ERG: variants seen among roughly 807,000 people sequenced by gnomAD.
The protein encoded by ERG is ETS transcription factor ERG, also known as transcriptional regulator ERG.
Under a neutral mutation model 55.3 loss-of-function variants are expected in ERG, and 9 were observed. That is an observed-to-expected ratio of 0.16 (90% CI 0.10 to 0.28). The LOEUF (loss-of-function observed/expected upper bound fraction) is 0.28. Ranked by LOEUF, ERG falls within the 10% of genes least tolerant of loss-of-function variation. ERG has a pLI of 1.00. For synonymous variants in ERG, 223 were observed against 237.3 expected, an observed-to-expected ratio of 0.94 and a Z score of 0.55; for missense variants, 434 against 631.6, an observed-to-expected ratio of 0.69 and a Z score of 3.35.
intron 3 of ERG, among the ~76,000 whole-genome samples, chr21:38,413,746 T>C (rs1415766968): frequency 9.4e-6 from 1 of 106,230 alleles, no homozygotes; most frequent in East Asian, 2.8e-4. Context: ...CCTCCTGTTA[T>C]TCCATGACAA....
At position 38,603,204 on chromosome 21, in the gene ERG, AC is replaced by A. The variant is rs1180838633; in HGVS notation, c.-149-18260del. On this transcript the variant is annotated intron_variant, in intron 1 of 10. Coordinates refer to the ERG transcript ENST00000398910. ...CCTCTGCCACATGAAGAGACCCGAA[AC>A]GCAGCTTACATCCAGAGCAAGTCCT... 1.7e-4 allele frequency among the ~76,000 whole-genome samples: 26 copies of A among 152,156 alleles called. 1 individual carries two copies. The highest frequency in any genetic ancestry group is 6.0e-4 in the African/African-American group (25 of 41,430).
At chr21:38,466,300 G>GGGGGGT (rs1555903683) in intron 1 of ERG, among the ~76,000 whole-genome samples, 2 of 140,604 alleles carry the variant, frequency 1.4e-5, no homozygotes, top group East Asian at 2.1e-4. Flanking sequence ...GATGGTCTGG[G>GGGGGGT]GTGTGTGTGT....
chr21:38,590,539 C>A (rs2060093679), intron 1 of ERG, among the ~76,000 whole-genome samples: 1 of 152,048 alleles, frequency 6.6e-6, no homozygotes, highest in Admixed American at 6.6e-5. Flanking sequence ...TTCAACCTGC[C>A]CTTCAAATCC....
chr21:38,527,138 C>G (rs1010932439), intron 2 of ERG, among the ~76,000 whole-genome samples: 1 of 152,168 alleles, frequency 6.6e-6, no homozygotes, highest in East Asian at 1.9e-4. Context: ...AACAATCAGG[C>G]ACTGCAAACA....
At chr21:38,470,195 T>C (rs1042236353) in intron 1 of ERG, among the ~76,000 whole-genome samples, 5 of 152,176 alleles carry the variant, frequency 3.3e-5, no homozygotes, top group Non-Finnish European at 4.4e-5. Context: ...TCTGTCCCAA[T>C]TGTATTAAGC....
At chr21:38,429,029 C>T (rs1413277203) in intron 2 of ERG, among the ~76,000 whole-genome samples, 1 of 152,144 alleles carries the variant, frequency 6.6e-6, no homozygotes, top group Non-Finnish European at 1.5e-5. Context: ...TCTTTTCTCC[C>T]TCACCCACTC....
chr21:38,416,715 G>A (rs1313575862), intron 3 of ERG, among the ~76,000 whole-genome samples: 1 of 152,152 alleles, frequency 6.6e-6, no homozygotes, highest in African/African-American at 2.4e-5. Flanking sequence ...AATAAAGTAT[G>A]ATAACAAAAT....
At position 38,383,495 on chromosome 21, in the gene ERG, T is replaced by A; in HGVS notation, c.1348A>T (p.Asn450Tyr). 1 of 1,555,858 alleles carries A rather than the reference T, an allele frequency of 6.4e-7. No homozygotes were observed. The highest frequency in any genetic ancestry group is 1.4e-5 in the African/African-American group (1 of 73,724). ...VTSSSFFAAP[N>Y]PYWNSPTGGI... Reference sequence around the variant, plus strand: ...CCAGTTGGTGAATTCCAGTATGGGTTTGGGGCAGCAAAAAAACTGGAAGAT... The same window carrying A: ...CCAGTTGGTGAATTCCAGTATGGGTATGGGGCAGCAAAAAAACTGGAAGAT... Residue 450 changes from asparagine (N) to tyrosine (Y), a missense_variant, in exon 10 of 10, where the codon AAC (asparagine) becomes TAC (tyrosine). By Grantham distance (143) the Asn-to-Tyr change is moderately radical. This residue lies in a region of ERG where 107 missense variants were observed against 126.8 expected (regional missense o/e 0.84). Transcript: ENST00000288319. The surrounding 1 kb of genome is among the most constrained non-coding windows in gnomAD (Gnocchi z 5.7).
At chr21:38,421,015 A>G (rs1289251805) in intron 3 of ERG, among the ~76,000 whole-genome samples, 1 of 152,168 alleles carries the variant, frequency 6.6e-6, no homozygotes, top group Non-Finnish European at 1.5e-5. Flanking sequence ...GTGTCTGGGC[A>G]ACACACCACT....
At chr21:38,661,361 G>A (rs2060555231) in intron 1 of ERG, among the ~76,000 whole-genome samples, 2 of 152,230 alleles carry the variant, frequency 1.3e-5, no homozygotes, top group African/African-American at 4.8e-5. Context: ...CGATGCTGAT[G>A]AGAACTGGGA....
At chr21:38,620,523 T>C (rs910622528) in intron 1 of ERG, among the ~76,000 whole-genome samples, 1 of 152,214 alleles carries the variant, frequency 6.6e-6, no homozygotes, top group Non-Finnish European at 1.5e-5. Flanking sequence ...CAGGTTACAT[T>C]GTCTCACAGG....
In ERG at chr21:38,567,044, C is replaced by T. The variant is rs1006818101; in HGVS notation, c.-41+8618G>A. 4.7e-5 allele frequency among the ~76,000 whole-genome samples: 7 copies of T among 149,892 alleles called. No homozygotes were observed. The Admixed American group carries it at 4.7e-4, about 10-fold the overall frequency. ...GGTGCCCCCTACTGAATGTCAGCCT[C>T]ACTGAATCTTAACGAGGAATCGCCA... On this transcript the variant is annotated intron_variant, in intron 2 of 8. Coordinates refer to the ERG transcript ENST00000398897.
Position 38,652,589 on chromosome 21 carries a change from T to C in ERG, c.-150+9069A>G, listed in dbSNP as rs144970114. ...GTCTCACATATCTGCTGGAGTTGGGTCATTCACACGTCTCCAAATAATGAA... is the reference window on the plus strand; with the variant it reads ...GTCTCACATATCTGCTGGAGTTGGGCCATTCACACGTCTCCAAATAATGAA... On this transcript the variant is annotated intron_variant, in intron 1 of 10. Coordinates refer to the ERG transcript ENST00000398910. 9.7e-3 allele frequency among the ~76,000 whole-genome samples: 1,479 copies of C among 152,166 alleles called. 12 individuals are homozygous for C. Among genetic ancestry groups the C allele is most frequent in the Non-Finnish European group, 0.016 (1,061 of 67,994 alleles).
chr21:38,646,399 C>T (rs905935075), intron 1 of ERG, among the ~76,000 whole-genome samples: 12 of 152,020 alleles, frequency 7.9e-5, no homozygotes, highest in Non-Finnish European at 1.5e-4. Flanking sequence ...CCATTACTCA[C>T]TTGAAGATGA....
intron 2 of ERG, among the ~76,000 whole-genome samples, chr21:38,546,995 T>C (rs1933459659): frequency 6.6e-6 from 1 of 152,172 alleles, no homozygotes; most frequent in African/African-American, 2.4e-5. Context: ...TCAAAGGAGA[T>C]TTTTGCTCTC....
chr21:38,631,270 T>C (rs543251651), intron 1 of ERG, among the ~76,000 whole-genome samples: 2 of 152,274 alleles, frequency 1.3e-5, no homozygotes, highest in East Asian at 3.9e-4. Context: ...GTTGTCTTGG[T>C]TAAAAATGTT....
chr21:38,444,977 G>A (rs192339893), intron 2 of ERG, among the ~76,000 whole-genome samples: 1 of 152,198 alleles, frequency 6.6e-6, no homozygotes, highest in East Asian at 1.9e-4. Flanking sequence ...CAGAGCCCTC[G>A]TGCCTGGGAA....
intron 1 of ERG, among the ~76,000 whole-genome samples, chr21:38,484,122 G>A (rs1346502874): frequency 3.3e-5 from 5 of 152,048 alleles, no homozygotes; most frequent in Non-Finnish European, 5.9e-5. Context: ...TGGTCTTGAC[G>A]CCTGGCTAAT....
intron 2 of ERG, among the ~76,000 whole-genome samples, chr21:38,572,748 T>C (rs945133267): frequency 4.6e-5 from 7 of 152,174 alleles, no homozygotes; most frequent in African/African-American, 1.7e-4. Context: ...TTTTAAAAAC[T>C]CTCAGTTATG....
Sources: allele counts gnomAD v4.1 joint callset (sites outside exome capture counted in the v4.1 genomes callset), GRCh38; gene constraint gnomAD v4.1.1; regional missense constraint gnomAD v4.1.1; non-coding constraint Gnocchi (gnomAD v3.1); transcripts MANE v1.5; gene names NCBI Gene and HGNC (gene_info 2026-07-23, HGNC 2026-07-21).